MIEF2: variants seen among roughly 807,000 people sequenced by gnomAD.
MIEF2 encodes mitochondrial elongation factor 2, also known as mitochondrial dynamics protein MID49.
In MIEF2, 1 loss-of-function variant was observed where a neutral mutation model predicts 7.4. The observed-to-expected ratio is 0.14, with a 90% CI of 0.05 to 0.64. The LOEUF is 0.64. MIEF2 is among the 30% of genes least tolerant of loss of function. The pLI is 0.85. For synonymous variants in MIEF2, 275 were observed against 290.5 expected, an observed-to-expected ratio of 0.95 and a Z score of 0.54; for missense variants, 569 against 623.9, an observed-to-expected ratio of 0.91 and a Z score of 0.94.
chr17:18,264,809 C>G lies in MIEF2; in HGVS notation c.*45C>G. Reference sequence around the variant, plus strand: ...TGCCATGTTTTCTAATGCTGGGGAGCTGCACCCACCTCCCTTCCAGGGATT... The same window carrying G: ...TGCCATGTTTTCTAATGCTGGGGAGGTGCACCCACCTCCCTTCCAGGGATT... On this transcript the variant is annotated 3_prime_UTR_variant, in exon 4 of 4. Coordinates refer to ENST00000323019, the MANE Select transcript of MIEF2 (RefSeq NM_139162.4). 5 of 1,564,234 alleles carry G rather than the reference C, an allele frequency of 3.2e-6. No homozygotes were observed. Among genetic ancestry groups the G allele is most frequent in the Non-Finnish European group, 4.3e-6 (5 of 1,152,938 alleles).
In MIEF2 at chr17:18,264,502, C is replaced by G; in HGVS notation, c.1103C>G (p.Ser368Trp). 1.9e-6 allele frequency: 3 copies of G among 1,608,068 alleles called. No individual in the cohort carries two copies. In the South Asian group the frequency reaches 3.3e-5, roughly 18 times the overall value. Residue 368 changes from serine to tryptophan, a missense_variant, in exon 4 of 4, where the codon TCG becomes TGG. Coordinates refer to ENST00000323019, the MANE Select transcript of MIEF2 (RefSeq NM_139162.4). ...CTGTGTGCTGTCTGCCGTGGTTGCT[C>G]GGCTCTGGGGCAGCTAGGCCGGGGT... Reference protein sequence around the residue: ...LLLCAVCRGCSALGQLGRGHL... With the variant: ...LLLCAVCRGCWALGQLGRGHL...
rs535785219 is a variant in MIEF2, at chr17:18,266,164, C to T, written c.*1400C>T. 7 of 151,798 alleles carry T rather than the reference C, an allele frequency of 4.6e-5. No homozygotes were observed. The highest frequency in any genetic ancestry group is 1.7e-4 in the African/African-American group (7 of 41,338). The allele number at this position is 151,798 out of a possible 1,614,324, so 9.4% of individuals were successfully genotyped here. A position where few individuals can be genotyped will look rare whatever the true frequency, so the allele number is the denominator to read the frequency against. On this transcript the variant is annotated 3_prime_UTR_variant, in exon 4 of 4. Transcript: ENST00000323019. ...GAGGTTGCAATGAGCTGAAATTGCA[C>T]CACTGCACTCCAGACTGGCGACAGA...
At position 18,264,121 on chromosome 17, in the gene MIEF2, A is replaced by AC; in HGVS notation, c.724dup (p.Arg242ProfsTer72). 6.4e-7 allele frequency: 1 copy of AC among 1,555,976 alleles called. No individual in the cohort carries two copies. The highest frequency in any genetic ancestry group is 8.6e-7 in the Non-Finnish European group (1 of 1,156,364). Reference sequence around the variant, plus strand: ...TGCCCCCGTGGGAGCAGCCCCTGGGACCGCTTCCTGGTCGGGGGCTACCTC... The same window carrying AC: ...TGCCCCCGTGGGAGCAGCCCCTGGGACCCGCTTCCTGGTCGGGGGCTACCTC... On this transcript the variant is annotated frameshift_variant, in exon 4 of 4. Coordinates refer to ENST00000323019, the MANE Select transcript of MIEF2 (RefSeq NM_139162.4). LOFTEE classifies it low-confidence loss of function (END_TRUNC).
At chr17:18,261,267 C>A (rs1978399638) in intron 1 of MIEF2, 3 of 1,369,864 alleles carry the variant, frequency 2.2e-6, no homozygotes, top group Non-Finnish European at 1.0e-6. Context: ...AGATTGAAAC[C>A]GGCCCTGGGG....
At chr17:18,262,628 C>T in intron 1 of MIEF2, 86 bp from the exon 2 acceptor site, 1 of 1,300,240 alleles carries the variant, frequency 7.7e-7, no homozygotes, top group Non-Finnish European at 1.0e-6. Context: ...AGCATAAGGA[C>T]AGCTAGAGCA....
chr17:18,260,830 C>T, intron 1 of MIEF2, 93 bp downstream of exon 1: 1 of 387,318 alleles, frequency 2.6e-6, no homozygotes, highest in Non-Finnish European at 4.7e-6. Flanking sequence ...GGCCCGCGAT[C>T]ACCGCTGGGG....
At position 18,264,537 on chromosome 17, in the gene MIEF2, C is replaced by G. The variant is rs780450872; in HGVS notation, c.1138C>G (p.Gln380Glu). 3 of 1,610,320 alleles carry G rather than the reference C, an allele frequency of 1.9e-6. No homozygotes were observed. The South Asian group carries it at 3.3e-5, about 18-fold the overall frequency. Residue 380 changes from glutamine (Q) to glutamate (E), a missense_variant, in exon 4 of 4, where the codon CAG becomes GAG. Transcript: ENST00000323019. Reference protein sequence around the residue: ...LGQLGRGHLTQVVLRLGEDNV... With the variant: ...LGQLGRGHLTEVVLRLGEDNV... ...GCAGCTAGGCCGGGGTCACCTGACC[C>G]AGGTGGTCCTGCGTCTGGGGGAGGA...
chr17:18,262,679 C>G (rs368902001), intron 1 of MIEF2, 35 bp from the exon 2 acceptor site: 48 of 1,542,850 alleles, frequency 3.1e-5, no homozygotes, highest in Non-Finnish European at 4.1e-5. Flanking sequence ...GCCACCTGCA[C>G]CTGAGCTGCC....
chr17:18,260,808 G>T, intron 1 of MIEF2, 71 bp downstream of exon 1: 2 of 349,134 alleles, frequency 5.7e-6, no homozygotes, highest in Non-Finnish European at 1.1e-5. Flanking sequence ...ACGGAACGCA[G>T]ATCGGGGGCG....
In MIEF2 at chr17:18,264,486, G is replaced by A. The variant is rs1404908642; in HGVS notation, c.1087G>A (p.Val363Ile). The A allele has an allele frequency of 6.2e-7, 1 of 1,606,530 alleles. No homozygotes were observed. The highest frequency in any genetic ancestry group is 8.5e-7 in the Non-Finnish European group (1 of 1,179,882). Residue 363 changes from valine (V) to isoleucine (I), a missense_variant, in exon 4 of 4, where the codon GTC becomes ATC. By Grantham distance (29) the Val-to-Ile change is conservative. Transcript: ENST00000323019. ...GCGGCTGCTGCTGCTGCTGTGTGCT[G>A]TCTGCCGTGGTTGCTCGGCTCTGGG... ...RRRLLLLLCA[V>I]CRGCSALGQL...
At position 18,264,477 on chromosome 17, in the gene MIEF2, C is replaced by T; in HGVS notation, c.1078C>T (p.Leu360=). 1 of 1,605,280 alleles carries T rather than the reference C, an allele frequency of 6.2e-7. No homozygotes were observed. Among genetic ancestry groups the T allele is most frequent in the Non-Finnish European group, 8.5e-7 (1 of 1,179,812 alleles). The part of the protein sequence containing the change: ...AGTRRRLLLL[L]CAVCRGCSAL... ...GACTCGCCGGCGGCTGCTGCTGCTG[C>T]TGTGTGCTGTCTGCCGTGGTTGCTC... The change falls in exon 4 of 4, where the codon CTG becomes TTG. Residue 360 remains leucine, a synonymous_variant. Coordinates refer to ENST00000323019, the MANE Select transcript of MIEF2 (RefSeq NM_139162.4).
Position 18,264,046 on chromosome 17 carries a change from T to A in MIEF2, c.647T>A (p.Val216Glu). Residue 216 changes from valine (V) to glutamate (E), a missense_variant, in exon 4 of 4, where the codon GTG becomes GAG. By Grantham distance (121) the Val-to-Glu change is moderately radical. Coordinates refer to ENST00000323019, the MANE Select transcript of MIEF2 (RefSeq NM_139162.4). Reference protein sequence around the residue: ...LWSLVPGVDTVARDPRCWAVR... With the variant: ...LWSLVPGVDTEARDPRCWAVR... Reference sequence around the variant, plus strand: ...AGCCTGGTGCCGGGCGTGGACACTGTGGCGAGGGACCCTCGCTGCTGGGCC... The same window carrying A: ...AGCCTGGTGCCGGGCGTGGACACTGAGGCGAGGGACCCTCGCTGCTGGGCC... 6.4e-7 allele frequency: 1 copy of A among 1,553,324 alleles called. No homozygotes were observed.
chr17:18,265,041 A>T lies in MIEF2; in HGVS notation c.*277A>T. 1 of 413,172 alleles carries T rather than the reference A, an allele frequency of 2.4e-6. No homozygotes were observed. Among genetic ancestry groups the T allele is most frequent in the Non-Finnish European group, 4.3e-6 (1 of 231,286 alleles). The allele number at this position is 413,172 out of a possible 1,614,324, so 25.6% of individuals were successfully genotyped here. ...AAGCACCGTTTCAGCTCTTGGGGCC[A>T]ACCCCAGGACCTTTGGCTCTGTCCA... On this transcript the variant is annotated 3_prime_UTR_variant, in exon 4 of 4. Coordinates refer to ENST00000323019, the MANE Select transcript of MIEF2 (RefSeq NM_139162.4).
chr17:18,264,193 C>CT lies in MIEF2; in HGVS notation c.795dup (p.Val266CysfsTer48). The stretch of plus-strand genomic sequence containing the variant: ...CTACTCCGCAAGGCGCTGGCTGCTT[C>CT]TGTCAACTGGCCGGCCATTGGCAGC... On this transcript the variant is annotated frameshift_variant, in exon 4 of 4. Coordinates refer to ENST00000323019, the MANE Select transcript of MIEF2 (RefSeq NM_139162.4). LOFTEE classifies it low-confidence loss of function (END_TRUNC). 1 of 1,599,022 alleles carries CT rather than the reference C, an allele frequency of 6.3e-7. No individual in the cohort carries two copies. The highest frequency in any genetic ancestry group is 8.5e-7 in the Non-Finnish European group (1 of 1,177,800).
At position 18,264,536 on chromosome 17, in the gene MIEF2, C is replaced by A; in HGVS notation, c.1137C>A (p.Thr379=). 5.6e-6 allele frequency: 9 copies of A among 1,610,226 alleles called. No individual in the cohort carries two copies. Among genetic ancestry groups the A allele is most frequent in the Non-Finnish European group, 7.6e-6 (9 of 1,179,810 alleles). The change falls in exon 4 of 4, where the codon ACC becomes ACA. Residue 379 remains threonine (T), a synonymous_variant. Coordinates refer to ENST00000323019, the MANE Select transcript of MIEF2 (RefSeq NM_139162.4). ...ALGQLGRGHL[T]QVVLRLGEDN... ...GGCAGCTAGGCCGGGGTCACCTGAC[C>A]CAGGTGGTCCTGCGTCTGGGGGAGG...
Position 18,263,788 on chromosome 17 carries a change from G to A in MIEF2, c.389G>A (p.Arg130Lys). ...CCGCTGTGTCTGACACTGCAGGAGA[G>A]GCTGCTGGCCTTCGAGCGGGACCGT... ...PAPLCLTLQE[R>K]LLAFERDRVT... The change falls in exon 4 of 4, where the codon AGG becomes AAG. Residue 130 changes from arginine to lysine, a missense_variant. By Grantham distance (26) the Arg-to-Lys change is conservative. Transcript: ENST00000323019. 6.2e-7 allele frequency: 1 copy of A among 1,611,118 alleles called. No individual in the cohort carries two copies. The highest frequency in any genetic ancestry group is 8.5e-7 in the Non-Finnish European group (1 of 1,179,696).
Position 18,264,801 on chromosome 17 carries a change from C to T in MIEF2, c.*37C>T. ...CGGGTGGTTGCCATGTTTTCTAATGCTGGGGAGCTGCACCCACCTCCCTTC... is the reference window on the plus strand; with the variant it reads ...CGGGTGGTTGCCATGTTTTCTAATGTTGGGGAGCTGCACCCACCTCCCTTC... On this transcript the variant is annotated 3_prime_UTR_variant, in exon 4 of 4. Coordinates refer to ENST00000323019, the MANE Select transcript of MIEF2 (RefSeq NM_139162.4). 1.3e-6 allele frequency: 2 copies of T among 1,574,662 alleles called. No homozygotes were observed. Among genetic ancestry groups the T allele is most frequent in the South Asian group, 1.2e-5 (1 of 86,854 alleles).
chr17:18,265,081 TCCA>T lies in MIEF2; in HGVS notation c.*321_*323del. On this transcript the variant is annotated 3_prime_UTR_variant, in exon 4 of 4. Transcript: ENST00000323019. ...GGCTCTGTCCATCACCAGCAACCAATCCACCAACAGAATGTGGTTTCTGCCATC... is the reference window on the plus strand; with the variant it reads ...GGCTCTGTCCATCACCAGCAACCAATCCAACAGAATGTGGTTTCTGCCATC... The T allele has an allele frequency of 3.9e-6, 1 of 254,296 alleles. No homozygotes were observed. Among genetic ancestry groups the T allele is most frequent in the East Asian group, 7.5e-5 (1 of 13,254 alleles). The allele number at this position is 254,296 out of a possible 1,614,324, so 15.8% of individuals were successfully genotyped here.
At chr17:18,262,978 A>G in intron 2 of MIEF2, 108 bp from the exon 3 acceptor site, 1 of 1,544,138 alleles carries the variant, frequency 6.5e-7, no homozygotes. Context: ...CCTTCATGGG[A>G]GCCCAGGGCA....
Sources: gnomAD v4.1 joint callset for allele counts on GRCh38, gnomAD v4.1.1 for gene constraint, MANE v1.5 for transcripts, NCBI Gene and HGNC (gene_info 2026-07-23, HGNC 2026-07-21) for gene names.